The following SCAF8 variants were observed in gnomAD, a reference collection of about 807,000 sequenced individuals.
SCAF8 encodes SR-related and CTD-associated factor 8.
SCAF8 carries 23 observed loss-of-function variants against 140.5 expected under a neutral mutation model. The observed-to-expected ratio is 0.16, with a 90% CI of 0.12 to 0.23. SCAF8 has a LOEUF of 0.23. Ranked by LOEUF, SCAF8 falls within the 10% of genes least tolerant of loss-of-function variation. SCAF8 has a pLI of 1.00. For synonymous variants in SCAF8, 575 were observed against 528.9 expected, an observed-to-expected ratio of 1.09 and a Z score of -1.20; for missense variants, 1,397 against 1,555.7, an observed-to-expected ratio of 0.90 and a Z score of 1.72.
intron 9 of SCAF8, 46 bp downstream of exon 9, chr6:154,805,532 T>G: frequency 3.7e-6 from 4 of 1,073,456 alleles, no homozygotes; most frequent in Non-Finnish European, 4.0e-6. Flanking sequence ...ACTATTTATA[T>G]TCTATAAATT....
intron 13 of SCAF8, among the ~76,000 whole-genome samples, 182 bp from the exon 14 acceptor site, chr6:154,818,297 A>T (rs1778314140): frequency 6.6e-6 from 1 of 152,226 alleles, no homozygotes; most frequent in African/African-American, 2.4e-5. Flanking sequence ...AAATTGAGTT[A>T]TTAATTGTAC....
chr6:154,770,777 G>T (rs985781174), intron 1 of SCAF8, among the ~76,000 whole-genome samples: 1 of 152,076 alleles, frequency 6.6e-6, no homozygotes, highest in African/African-American at 2.4e-5. Context: ...ACAAAGCCTC[G>T]CTCTGTCACC....
intron 7 of SCAF8, 89 bp from the exon 8 acceptor site, chr6:154,803,455 G>A (rs150230234): frequency 3.8e-5 from 32 of 843,518 alleles, no homozygotes; most frequent in South Asian, 1.0e-4. Flanking sequence ...TAGATATAAC[G>A]GAATGCCATT....
Position 154,832,752 on chromosome 6 carries a change from A to T in SCAF8, c.3173A>T (p.Asp1058Val), listed in dbSNP as rs1778786360. 1 of 1,613,762 alleles carries T rather than the reference A, an allele frequency of 6.2e-7. No individual in the cohort carries two copies. Among genetic ancestry groups the T allele is most frequent in the South Asian group, 1.1e-5 (1 of 91,068 alleles). Residue 1058 changes from aspartate (D) to valine (V), a missense_variant, in exon 20 of 20, where the codon GAT (aspartate) becomes GTT (valine). Physicochemically the swap from Asp to Val is radical, Grantham distance 152. This residue lies in a region of SCAF8 where 930 missense variants were observed against 874.6 expected (regional missense o/e 1.06). Transcript: ENST00000367178. The part of the protein sequence containing the change: ...GPGRPPLDGR[D>V]HFGRPPVDIR... ...GGACGGCCTCCACTAGATGGTAGGG[A>T]TCATTTTGGAAGACCTCCTGTAGAT...
At chr6:154,736,079 G>A (rs930426883) in intron 1 of SCAF8, among the ~76,000 whole-genome samples, 7 of 151,874 alleles carry the variant, frequency 4.6e-5, no homozygotes, top group Non-Finnish European at 8.8e-5. Context: ...TTTCACCTTG[G>A]CATCCCAAGT....
Position 154,820,291 on chromosome 6 carries a change from T to A in SCAF8, c.1750T>A (p.Phe584Ile), listed in dbSNP as rs1167101720. Reference sequence around the variant, plus strand: ...AGTTAAAGTGGATGACTTGGAAGGTTTTGCAGAAGGAGGCATGATTGATCA... The same window carrying A: ...AGTTAAAGTGGATGACTTGGAAGGTATTGCAGAAGGAGGCATGATTGATCA... The part of the protein sequence containing the change: ...EKVKVDDLEG[F>I]AEGGMIDQET... Residue 584 changes from phenylalanine to isoleucine, a missense_variant, in exon 15 of 20, where the codon TTT (phenylalanine) becomes ATT (isoleucine). Physicochemically the swap from Phe to Ile is conservative, Grantham distance 21 (BLOSUM62 0). Around this residue, in one of 5 missense-constraint regions of SCAF8, gnomAD observed 930 missense variants for 874.6 expected, o/e 1.06. Transcript: ENST00000367178. 1 of 1,611,970 alleles carries A rather than the reference T, an allele frequency of 6.2e-7. No individual in the cohort carries two copies. The highest frequency in any genetic ancestry group is 1.7e-5 in the Admixed American group (1 of 59,366).
chr6:154,761,125 G>A (rs373607935), intron 1 of SCAF8, among the ~76,000 whole-genome samples: 3 of 152,068 alleles, frequency 2.0e-5, no homozygotes, highest in Admixed American at 1.3e-4. Flanking sequence ...TTTCTTAAAA[G>A]ATTATTTCTT....
chr6:154,805,421 C>A lies in SCAF8; in HGVS notation c.916C>A (p.Gln306Lys). 1.2e-6 allele frequency: 2 copies of A among 1,612,246 alleles called. No individual in the cohort carries two copies. The highest frequency in any genetic ancestry group is 1.7e-6 in the Non-Finnish European group (2 of 1,178,800). The change falls in exon 9 of 20, where the codon CAA (glutamine) becomes AAA (lysine). Residue 306 changes from glutamine to lysine, a missense_variant. Transcript: ENST00000367178. ...TTCCATTTTTCATCAGATAGCAGAA[C>A]AACTACAACAGCAAAACCTAGAACA... ...NNSIFHQIAE[Q>K]LQQQNLEHLR...
chr6:154,735,733 C>G (rs916055764), intron 1 of SCAF8, among the ~76,000 whole-genome samples: 3 of 151,984 alleles, frequency 2.0e-5, no homozygotes, highest in African/African-American at 7.3e-5. Context: ...AGGCTGTTCT[C>G]AAACTCCTGA....
Position 154,824,503 on chromosome 6 carries a change from G to T in SCAF8, c.2071+125G>T, listed in dbSNP as rs1033018853. ...TTAGCATGCATAGCCTTGTTAAAGC[G>T]CAGATTGCTGGGCCCAGCCTCCACT... On this transcript the variant is annotated intron_variant, in intron 17 of 19. Coordinates refer to ENST00000367178, the MANE Select transcript of SCAF8 (RefSeq NM_014892.5). 4.9e-6 allele frequency: 4 copies of T among 815,870 alleles called. No individual in the cohort carries two copies. The East Asian group carries it at 7.7e-5, about 16-fold the overall frequency. The allele number at this position is 815,870 out of a possible 1,614,324, so 50.5% of individuals were successfully genotyped here.
intron 12 of SCAF8, among the ~76,000 whole-genome samples, chr6:154,812,340 T>C (rs920962600): frequency 6.7e-6 from 1 of 148,194 alleles, no homozygotes; most frequent in Non-Finnish European, 1.5e-5. Flanking sequence ...AATTAGGGTA[T>C]GTACATTTTT....
rs770067933 is a variant in SCAF8 at position 154,802,106 on chromosome 6, A to G, written c.742A>G (p.Asn248Asp). ...ACTTACAGCTGCAGCTGCAGCTGCCAACACTCTTACTCCCTTAGAACAGGG... is the reference window on the plus strand; with the variant it reads ...ACTTACAGCTGCAGCTGCAGCTGCCGACACTCTTACTCCCTTAGAACAGGG... ...AQLTAAAAAA[N>D]TLTPLEQGVS... is the part of the protein sequence containing the mutation. The change falls in exon 7 of 20, where the codon AAC (asparagine) becomes GAC (aspartate). Residue 248 changes from asparagine to aspartate, a missense_variant. Transcript: ENST00000367178. 2 of 1,612,290 alleles carry G rather than the reference A, an allele frequency of 1.2e-6. No homozygotes were observed. Among genetic ancestry groups the G allele is most frequent in the Non-Finnish European group, 1.7e-6 (2 of 1,179,064 alleles).
intron 1 of SCAF8, among the ~76,000 whole-genome samples, chr6:154,770,388 A>ACACACACTCTCTCT (rs1384942827): frequency 1.1e-4 from 16 of 141,994 alleles, no homozygotes; most frequent in African/African-American, 3.9e-4. Flanking sequence ...ACACACACAC[A>ACACACACTCTCTCT]CTCTCTCTCT....
chr6:154,748,481 A>G (rs778986188), intron 1 of SCAF8, among the ~76,000 whole-genome samples: 5 of 152,164 alleles, frequency 3.3e-5, no homozygotes, highest in Non-Finnish European at 5.9e-5. Context: ...CTGGCTGAAT[A>G]TGAGCACCTT....
intron 19 of SCAF8, 40 bp downstream of exon 19, chr6:154,831,180 C>G: frequency 5.5e-6 from 7 of 1,264,948 alleles, no homozygotes; most frequent in Non-Finnish European, 7.7e-6. Flanking sequence ...GAGGTTGCCT[C>G]TCTGTATTTG....
rs1778810155 is a variant in SCAF8, at chr6:154,833,373, G to A, written c.3794G>A (p.Ser1265Asn). 1.2e-6 allele frequency: 2 copies of A among 1,612,984 alleles called. No homozygotes were observed. The highest frequency in any genetic ancestry group is 2.2e-5 in the South Asian group (2 of 90,834). ...ADIESEPVVE[S>N]TETEGT ...ATAGAAAGTGAACCAGTGGTAGAAAGCACAGAAACTGAGGGGACATAATCA... is the reference window on the plus strand; with the variant it reads ...ATAGAAAGTGAACCAGTGGTAGAAAACACAGAAACTGAGGGGACATAATCA... The change falls in exon 20 of 20, where the codon AGC (serine) becomes AAC (asparagine). Residue 1265 changes from serine to asparagine, a missense_variant. Transcript: ENST00000367178.
intron 1 of SCAF8, among the ~76,000 whole-genome samples, chr6:154,735,015 T>G (rs987832261): frequency 6.6e-6 from 1 of 151,866 alleles, no homozygotes; most frequent in African/African-American, 2.4e-5. Flanking sequence ...TCCCAGCTAC[T>G]TAGGAGGCTG....
intron 6 of SCAF8, among the ~76,000 whole-genome samples, chr6:154,800,199 A>G (rs1777734137): frequency 6.6e-6 from 1 of 151,178 alleles, no homozygotes; most frequent in Non-Finnish European, 1.5e-5. Flanking sequence ...ATGTTATATA[A>G]TTACTTGGTT....
At chr6:154,825,721 G>A (rs1022772572) in intron 17 of SCAF8, among the ~76,000 whole-genome samples, 1 of 148,750 alleles carries the variant, frequency 6.7e-6, no homozygotes, top group Non-Finnish European at 1.5e-5. Context: ...AAGAATGATG[G>A]AGAGATACTT....
Sources: gnomAD v4.1 joint callset for allele counts (sites outside exome capture counted in the v4.1 genomes callset) on GRCh38, gnomAD v4.1.1 for gene constraint, gnomAD v4.1.1 regional missense constraint, MANE v1.5 for transcripts, NCBI Gene and HGNC (gene_info 2026-07-23, HGNC 2026-07-21) for gene names.